PYY: variants seen among roughly 807,000 people sequenced by gnomAD.
The protein encoded by PYY is peptide YY, also known as peptide tyrosine tyrosine.
In PYY, 12 loss-of-function variants were observed where a neutral mutation model predicts 10.3. The ratio of observed to expected loss-of-function variants is 1.17; its 90% CI spans 0.75 to 1.89. PYY has a LOEUF of 1.89. Among genes scored for constraint, PYY ranks in the 40% most tolerant of loss-of-function variants. The pLI is 0.00. For synonymous variants in PYY, 66 were observed against 62.0 expected, an observed-to-expected ratio of 1.06 and a Z score of -0.30; for missense variants, 141 against 134.0, an observed-to-expected ratio of 1.05 and a Z score of -0.26.
intron 1 of PYY, among the ~76,000 whole-genome samples, chr17:43,974,352 C>G (rs1039183179): frequency 3.3e-5 from 5 of 151,802 alleles, no homozygotes; most frequent in African/African-American, 1.2e-4. Context: ...GAAGGGCAGG[C>G]AGTGGGGGAT....
intron 1 of PYY, among the ~76,000 whole-genome samples, chr17:43,983,921 T>A (rs1306771379): frequency 6.6e-6 from 1 of 152,216 alleles, no homozygotes; most frequent in Non-Finnish European, 1.5e-5. Context: ...GAGCGGCTGC[T>A]GTTTGCGCAG....
chr17:43,991,209 C>T (rs1242655901), intron 1 of PYY, among the ~76,000 whole-genome samples: 1 of 151,918 alleles, frequency 6.6e-6, no homozygotes, highest in Non-Finnish European at 1.5e-5. Flanking sequence ...GCAGGTAGAT[C>T]ACCTGAGGTC....
rs760331533 is a variant in PYY, at chr17:43,953,113, A to T, written c.265T>A (p.Ser89Thr). The T allele has an allele frequency of 6.2e-7, 1 of 1,613,858 alleles. No individual in the cohort carries two copies. The highest frequency in any genetic ancestry group is 1.1e-5 in the South Asian group (1 of 91,070). ...TGTGGTAACGGGCGCTTTTACCGCG[A>T]CCTGACGGGGCGGTCCTCGCCGTCG... ...FPDGEDRPVRSRSEGPDLW is the reference protein window; with the variant it reads ...FPDGEDRPVRTRSEGPDLW The change falls in exon 3 of 4, where the codon TCG becomes ACG. Residue 89 changes from serine (S) to threonine (T), a missense_variant. Transcript: ENST00000692052.
At chr17:43,957,196 CAAAAAAA>C (rs60997602), upstream of PYY, among the ~76,000 whole-genome samples, 827 of 66,636 alleles carry the variant, frequency 0.012, 3 homozygotes, top group Middle Eastern at 0.025. Context: ...AAACTGTCTC[CAAAAAAA>C]AAAAAAAAAA....
At chr17:43,989,254 G>A (rs916616973) in intron 1 of PYY, among the ~76,000 whole-genome samples, 6 of 151,892 alleles carry the variant, frequency 4.0e-5, no homozygotes, top group Non-Finnish European at 7.4e-5. Flanking sequence ...GGCGCCTGTA[G>A]TCCCAGCTAC....
intron 1 of PYY, among the ~76,000 whole-genome samples, chr17:43,994,861 C>T (rs758921704): frequency 6.6e-6 from 1 of 152,158 alleles, no homozygotes; most frequent in Non-Finnish European, 1.5e-5. Flanking sequence ...TGGCTGGGGC[C>T]GGGGGTGGCC....
exon 2 of PYY, chr17:43,966,447 C>T (rs2048756508): frequency 6.6e-6 from 1 of 152,464 alleles, no homozygotes; most frequent in African/African-American, 2.4e-5. Flanking sequence ...GCATGCAGTT[C>T]TGAGGGTGGC....
intron 2 of PYY, among the ~76,000 whole-genome samples, chr17:43,960,551 A>AC (rs1555616836): frequency 1.3e-5 from 2 of 149,292 alleles, no homozygotes; most frequent in Admixed American, 6.7e-5. Flanking sequence ...AAAAAAAAAA[A>AC]AAAACAATAT....
At chr17:43,989,829 A>C in intron 1 of PYY, among the ~76,000 whole-genome samples, 1 of 40,424 alleles carries the variant, frequency 2.5e-5, no homozygotes, top group Admixed American at 3.2e-4. Flanking sequence ...AAAAAAAAAA[A>C]AAAAAAAAAA....
intron 1 of PYY, among the ~76,000 whole-genome samples, chr17:43,993,284 C>G (rs2076027868): frequency 6.6e-6 from 1 of 152,066 alleles, no homozygotes; most frequent in Admixed American, 6.5e-5. Flanking sequence ...CACGGTGAAA[C>G]CCCGTCTCTA....
chr17:43,998,242 C>A (rs2049003812), intron 1 of PYY, among the ~76,000 whole-genome samples: 1 of 64,558 alleles, frequency 1.5e-5, no homozygotes, highest in African/African-American at 5.8e-5. Flanking sequence ...CCTGAACCCA[C>A]AGATTTTTTT....
intron 1 of PYY, among the ~76,000 whole-genome samples, chr17:43,977,283 A>G (rs2048855540): frequency 6.6e-6 from 1 of 152,180 alleles, no homozygotes; most frequent in African/African-American, 2.4e-5. Flanking sequence ...ATTAGCTGCG[A>G]CTTAGTCTGT....
At chr17:44,004,386 C>A (rs914207196) in intron 1 of PYY, 8 of 333,408 alleles carry the variant, frequency 2.4e-5, no homozygotes, top group African/African-American at 1.5e-4. Flanking sequence ...GCCCCTGGAA[C>A]CTACCTTGGC....
At chr17:43,994,452 G>A (rs1418789266) in intron 1 of PYY, among the ~76,000 whole-genome samples, 1 of 152,124 alleles carries the variant, frequency 6.6e-6, no homozygotes, top group Non-Finnish European at 1.5e-5. Flanking sequence ...TGTTTGAGCC[G>A]CAGCCACCGT....
rs1001117739 is a variant in PYY at position 43,953,430 on chromosome 17, C to T, written c.54G>A (p.Leu18=). The T allele has an allele frequency of 8.1e-6, 13 of 1,612,640 alleles. No individual in the cohort carries two copies. The change falls in exon 2 of 4, where the codon CTG becomes CTA. Residue 18 remains leucine (L), a synonymous_variant. Coordinates refer to ENST00000692052, the MANE Select transcript of PYY (RefSeq NM_001394028.1). The part of the protein sequence containing the change: ...WPALTTVLLA[L]LVCLGALVDA... ...CGACCAGCGCCCCTAGGCAGACGAG[C>T]AGGGCCAGAAGCACTGTGGTCAAGG...
At chr17:43,967,843 C>T (rs1243742609) in intron 1 of PYY, among the ~76,000 whole-genome samples, 2 of 152,104 alleles carry the variant, frequency 1.3e-5, no homozygotes, top group African/African-American at 4.8e-5. Flanking sequence ...TCCCCAGCCT[C>T]GATACAAGAC....
chr17:43,984,017 G>C (rs1419239464), intron 1 of PYY, among the ~76,000 whole-genome samples: 1 of 152,220 alleles, frequency 6.6e-6, no homozygotes, highest in Non-Finnish European at 1.5e-5. Context: ...CCGGAACCAC[G>C]GCCGCGCCGC....
Position 43,952,918 on chromosome 17 carries a change from GC to G in PYY, c.*37del. On this transcript the variant is annotated 3_prime_UTR_variant, in exon 4 of 4. Transcript: ENST00000692052. The stretch of plus-strand genomic sequence containing the variant: ...GGGAGTGCGTATGCAAATGACGTGG[GC>G]GTGGTTGGCAGATCTCCCAGGAGGC... The G allele has an allele frequency of 6.5e-7, 1 of 1,529,858 alleles. No individual in the cohort carries two copies. Among genetic ancestry groups the G allele is most frequent in the African/African-American group, 1.4e-5 (1 of 70,992 alleles). The allele number at this position is 1,529,858 out of a possible 1,614,324, so 94.8% of individuals were successfully genotyped here. A position where few individuals can be genotyped will look rare whatever the true frequency, so the allele number is the denominator to read the frequency against.
At chr17:43,977,068 C>G (rs1227504417) in intron 1 of PYY, among the ~76,000 whole-genome samples, 2 of 152,156 alleles carry the variant, frequency 1.3e-5, no homozygotes, top group Admixed American at 1.3e-4. Context: ...CCTCTCATGT[C>G]CCCCCACCCT....
Sources: allele counts gnomAD v4.1 joint callset (sites outside exome capture counted in the v4.1 genomes callset), GRCh38; gene constraint gnomAD v4.1.1; transcripts MANE v1.5; gene names NCBI Gene and HGNC (gene_info 2026-07-23, HGNC 2026-07-21).